Variants in PRKAR1B observed in about 807,000 individuals in gnomAD.
PRKAR1B encodes protein kinase cAMP-dependent type I regulatory subunit beta.
A neutral mutation model predicts 46.5 loss-of-function variants in PRKAR1B; 22 were observed. That is an observed-to-expected ratio of 0.47 (90% CI 0.34 to 0.68). The LOEUF (loss-of-function observed/expected upper bound fraction) is 0.68. PRKAR1B is among the 30% of genes least tolerant of loss of function. PRKAR1B has a pLI of 0.01. For missense variants in PRKAR1B, 445 were observed against 535.6 expected (o/e 0.83, Z 1.67); for synonymous variants, 259 against 217.7 (o/e 1.19, Z -1.67).
chr7:692,127 T>C (rs143316176), intron 2 of PRKAR1B, among the ~76,000 whole-genome samples: 5,103 of 152,228 alleles, frequency 0.034, 319 homozygotes, highest in African/African-American at 0.12. Context: ...GGGCCAGGCA[T>C]GGTGGCTCAT....
intron 8 of PRKAR1B, among the ~76,000 whole-genome samples, chr7:584,156 C>T (rs556507439): frequency 6.6e-6 from 1 of 151,966 alleles, no homozygotes; most frequent in Admixed American, 6.6e-5. Flanking sequence ...TACCGGGAGC[C>T]AACACTGGCT....
chr7:622,277 G>GCATGCATT, intron 4 of PRKAR1B, among the ~76,000 whole-genome samples: 1 of 152,224 alleles, frequency 6.6e-6, no homozygotes, highest in East Asian at 1.9e-4. Flanking sequence ...CCAAGGCTGG[G>GCATGCATT]CATGCATTCA....
chr7:559,219 G>A (rs959562652), intron 9 of PRKAR1B, among the ~76,000 whole-genome samples: 9 of 152,194 alleles, frequency 5.9e-5, no homozygotes, highest in Admixed American at 3.3e-4. Context: ...GACGCCAGGA[G>A]AGCCGAGAAT....
intron 4 of PRKAR1B, among the ~76,000 whole-genome samples, chr7:670,135 T>TC (rs1786152165): frequency 6.6e-6 from 1 of 151,952 alleles, no homozygotes; most frequent in Non-Finnish European, 1.5e-5. Context: ...CCCAAAGTGC[T>TC]GGAATTATGG....
chr7:566,534 C>CATCACCAT (rs1415735486), intron 9 of PRKAR1B, among the ~76,000 whole-genome samples: 4 of 151,666 alleles, frequency 2.6e-5, no homozygotes, highest in East Asian at 1.9e-4. Context: ...ATCATTATGG[C>CATCACCAT]CACCACCATC....
chr7:571,301 A>G (rs979327294), intron 9 of PRKAR1B, among the ~76,000 whole-genome samples: 12 of 151,990 alleles, frequency 7.9e-5, no homozygotes, highest in African/African-American at 2.4e-4. Context: ...AGCTGACCCC[A>G]CCCGATGACG....
chr7:551,330 C>A (rs550594344), intron 10 of PRKAR1B, 59 bp downstream of exon 10: 3 of 1,509,346 alleles, frequency 2.0e-6, no homozygotes, highest in East Asian at 2.5e-5. Flanking sequence ...AGGCCCCTCC[C>A]GAGACCCCAA....
intron 1 of PRKAR1B, among the ~76,000 whole-genome samples, chr7:711,872 G>T (rs540156276): frequency 6.6e-6 from 1 of 151,460 alleles, no homozygotes; most frequent in Non-Finnish European, 1.5e-5. Flanking sequence ...GGGTCCAGCC[G>T]GGGGGTTCCA....
At chr7:661,398 T>C (rs1583376916) in intron 4 of PRKAR1B, among the ~76,000 whole-genome samples, 2 of 38,228 alleles carry the variant, frequency 5.2e-5, no homozygotes, top group African/African-American at 1.3e-4. Context: ...AAATACCTAC[T>C]CTCCCCCCAC....
At chr7:638,079 A>G (rs972922775) in intron 4 of PRKAR1B, among the ~76,000 whole-genome samples, 1 of 152,234 alleles carries the variant, frequency 6.6e-6, no homozygotes, top group Non-Finnish European at 1.5e-5. Flanking sequence ...CTAGCTGGCA[A>G]GCACCAGCGT....
At chr7:662,018 C>A (rs377400781) in intron 4 of PRKAR1B, among the ~76,000 whole-genome samples, 62 of 79,102 alleles carry the variant, frequency 7.8e-4, no homozygotes, top group South Asian at 1.5e-3. Context: ...GGTCCCCACC[C>A]CAACGGATCC....
rs375954492 is a variant in PRKAR1B at position 551,449 on chromosome 7, G to A, written c.913C>T (p.Arg305Cys). The change falls in exon 10 of 11, where the codon CGC becomes TGC. Residue 305 changes from arginine to cysteine, a missense_variant. Arg to Cys is a radical substitution (Grantham distance 180, BLOSUM62 -3). This residue lies in a region of PRKAR1B where 127 missense variants were observed against 138.0 expected (regional missense o/e 0.92). Transcript: ENST00000537384. ...ACGTACTCCTCATTGGGGGACCGGC[G>A]CTGCAGCACGGACGCGGTGCCCTGT... ...ITEGTASVLQ[R>C]RSPNEEYVEV... The A allele has an allele frequency of 2.9e-5, 45 of 1,557,790 alleles. No individual in the cohort carries two copies. Among genetic ancestry groups the A allele is most frequent in the East Asian group, 4.7e-5 (2 of 42,502 alleles).
chr7:646,665 T>C (rs9770927), intron 4 of PRKAR1B, among the ~76,000 whole-genome samples: 8,848 of 152,280 alleles, frequency 0.058, 385 homozygotes, highest in African/African-American at 0.13. Flanking sequence ...CTTCTCCCTC[T>C]GAACCCCTGA....
chr7:673,817 G>A (rs979450331), intron 4 of PRKAR1B, among the ~76,000 whole-genome samples: 1 of 152,198 alleles, frequency 6.6e-6, no homozygotes, highest in Non-Finnish European at 1.5e-5. Context: ...TCTGGGGCCA[G>A]AAGTCCAGAT....
chr7:680,820 G>A (rs778242548), intron 2 of PRKAR1B, 94 bp from the exon 3 acceptor site: 27 of 1,403,194 alleles, frequency 1.9e-5, no homozygotes, highest in Admixed American at 8.5e-5. Context: ...ACTGTGGGAG[G>A]ACTAGTGGGA....
chr7:619,809 A>C (rs887604543), intron 4 of PRKAR1B, among the ~76,000 whole-genome samples: 1 of 151,878 alleles, frequency 6.6e-6, no homozygotes, highest in Non-Finnish European at 1.5e-5. Context: ...GCAAATTTTT[A>C]TTCTTTCCTT....
chr7:692,741 G>A (rs1397766072), intron 2 of PRKAR1B, among the ~76,000 whole-genome samples: 1 of 152,174 alleles, frequency 6.6e-6, no homozygotes, highest in East Asian at 1.9e-4. Context: ...GAAGGTTGGG[G>A]AGGCAGGAAC....
At chr7:637,944 C>T (rs1013370907) in intron 4 of PRKAR1B, among the ~76,000 whole-genome samples, 2 of 152,230 alleles carry the variant, frequency 1.3e-5, no homozygotes, top group Admixed American at 1.3e-4. Context: ...CGTGTGGACG[C>T]CCAGATTGTC....
At chr7:617,187 G>T (rs1409548604) in intron 4 of PRKAR1B, among the ~76,000 whole-genome samples, 3 of 151,790 alleles carry the variant, frequency 2.0e-5, no homozygotes, top group African/African-American at 7.3e-5. Flanking sequence ...AGAGACAGGG[G>T]TTTCACCATG....
Sources: allele counts gnomAD v4.1 joint callset (sites outside exome capture counted in the v4.1 genomes callset), GRCh38; gene constraint gnomAD v4.1.1; regional missense constraint gnomAD v4.1.1; transcripts MANE v1.5; gene names NCBI Gene and HGNC (gene_info 2026-07-23, HGNC 2026-07-21).